RC3H1: variants seen among roughly 807,000 people sequenced by gnomAD.
The protein encoded by RC3H1 is ring finger and CCCH-type domains 1.
In RC3H1, 50 loss-of-function variants were observed where a neutral mutation model predicts 138.2. That is an observed-to-expected ratio of 0.36 (90% CI 0.29 to 0.46). The LOEUF (loss-of-function observed/expected upper bound fraction) is 0.46, where lower values mean the gene tolerates loss of function less well. RC3H1 is among the 20% of genes least tolerant of loss of function. RC3H1 has a pLI of 1.00. For synonymous variants in RC3H1, 462 were observed against 489.1 expected, an observed-to-expected ratio of 0.94 and a Z score of 0.73; for missense variants, 1,031 against 1,388.1, an observed-to-expected ratio of 0.74 and a Z score of 4.09.
chr1:173,942,396 G>GCC (rs1396505308), intron 18 of RC3H1, among the ~76,000 whole-genome samples: 1 of 122,200 alleles, frequency 8.2e-6, no homozygotes, highest in Non-Finnish European at 1.5e-5. Flanking sequence ...TTGGGCCACT[G>GCC]CCCTCCACCC....
intron 14 of RC3H1, among the ~76,000 whole-genome samples, chr1:173,949,959 G>C (rs1266203055): frequency 6.6e-6 from 1 of 152,108 alleles, no homozygotes; most frequent in African/African-American, 2.4e-5. Flanking sequence ...CTGAAGTCAG[G>C]AGTTCGAGAC....
At position 173,941,337 on chromosome 1, in the gene RC3H1, C is replaced by T. The variant is rs375789674; in HGVS notation, c.3179G>A (p.Ser1060Asn). Reference sequence around the variant, plus strand: ...TGGTTGTCCATTTTCTGCTTGTTTACTTGTATTCAGTTTGCTTTTCATGTC... The same window carrying T: ...TGGTTGTCCATTTTCTGCTTGTTTATTTGTATTCAGTTTGCTTTTCATGTC... ...SLDMKSKLNT[S>N]KQAENGQPEP... Residue 1060 changes from serine (S) to asparagine (N), a missense_variant, in exon 19 of 20, where the codon AGT (serine) becomes AAT (asparagine). Coordinates refer to ENST00000367696, the MANE Select transcript of RC3H1 (RefSeq NM_172071.4). 501 of 1,613,802 alleles carry T rather than the reference C, an allele frequency of 3.1e-4. 3 individuals carry two copies. The South Asian group carries it at 5.1e-3, about 16-fold the overall frequency.
intron 7 of RC3H1, among the ~76,000 whole-genome samples, chr1:173,974,818 T>C (rs1262892735): frequency 6.6e-6 from 1 of 152,158 alleles, no homozygotes; most frequent in East Asian, 1.9e-4. Context: ...CTCCGGCTCT[T>C]TTGTTAAAAT....
intron 9 of RC3H1, among the ~76,000 whole-genome samples, chr1:173,967,910 C>T (rs1660192145): frequency 6.6e-6 from 1 of 152,184 alleles, no homozygotes; most frequent in African/African-American, 2.4e-5. Context: ...CTCTTAACTA[C>T]TCTGTGGTTT....
chr1:173,960,613 T>C (rs897353065), intron 13 of RC3H1, among the ~76,000 whole-genome samples: 8 of 152,192 alleles, frequency 5.3e-5, no homozygotes, highest in Non-Finnish European at 8.8e-5. Flanking sequence ...CTAATCAAAA[T>C]TGAAGCAGAT....
intron 1 of RC3H1, among the ~76,000 whole-genome samples, chr1:174,015,063 A>T (rs1661835115): frequency 6.6e-6 from 1 of 152,262 alleles, no homozygotes; most frequent in South Asian, 2.1e-4. Flanking sequence ...TTTTCCTGCC[A>T]CCCAGCTGGC....
At chr1:173,940,866 G>A (rs952214238) in intron 19 of RC3H1, among the ~76,000 whole-genome samples, 2 of 150,618 alleles carry the variant, frequency 1.3e-5, no homozygotes, top group Non-Finnish European at 2.9e-5. Context: ...TCTGCTGCCA[G>A]GCTGGAGTAC....
rs1661985412 is a variant in RC3H1, at chr1:174,022,213, C to T, written c.-268G>A. On this transcript the variant is annotated 5_prime_UTR_variant, in exon 1 of 20. Transcript: ENST00000367696. This position sits in a 1 kb window ranked among gnomAD's most constrained non-coding sequence, Gnocchi z 4.2. ...TGACTCTGATTCTGTCCCAGGCCGC[C>T]GGGCCACGGCTGCCGCCGCCACCGC... 1 of 393,664 alleles carries T rather than the reference C, an allele frequency of 2.5e-6. No individual in the cohort carries two copies. Among genetic ancestry groups the T allele is most frequent in the Non-Finnish European group, 4.5e-6 (1 of 223,312 alleles). The allele number at this position is 393,664 out of a possible 1,614,324, so 24.4% of individuals were successfully genotyped here.
chr1:174,022,145 TCGCCACCGCCGCGGCAGCCGCCGC>T lies in RC3H1; in HGVS notation c.-224_-201del, dbSNP rs1661979684. ...TCTCAGCTCCGAGTCCCCGCGGCCG[TCGCCACCGCCGCGGCAGCCGCCGC>T]CGCCGCCGAGGCCACCGTTGACTCT... On this transcript the variant is annotated 5_prime_UTR_variant, in exon 1 of 20. Transcript: ENST00000367696. The surrounding 1 kb of genome is among the most constrained non-coding windows in gnomAD (Gnocchi z 4.2). The T allele has an allele frequency of 2.5e-6, 1 of 395,806 alleles. No homozygotes were observed. Among genetic ancestry groups the T allele is most frequent in the African/African-American group, 2.1e-5 (1 of 48,240 alleles). 24.5% of individuals were successfully genotyped at this position (395,806 alleles called of 1,614,324 possible).
intron 9 of RC3H1, among the ~76,000 whole-genome samples, chr1:173,968,799 T>C (rs1047364016): frequency 1.8e-4 from 27 of 152,156 alleles, no homozygotes; most frequent in African/African-American, 6.0e-4. Flanking sequence ...TGATTTATAA[T>C]ATAATTTATT....
intron 1 of RC3H1, among the ~76,000 whole-genome samples, chr1:173,998,104 T>C (rs1397049469): frequency 1.3e-5 from 2 of 152,158 alleles, no homozygotes; most frequent in Admixed American, 1.3e-4. Flanking sequence ...TCCAGATTTT[T>C]TGAACTTCCT....
chr1:173,964,789 C>T lies in RC3H1; in HGVS notation c.1616+50G>A, dbSNP rs200497118. ...AAACATTAATTATTCTATCTTCCTTCGACTTTATGAAGAAGAAATTTTGAA... is the reference window on the plus strand; with the variant it reads ...AAACATTAATTATTCTATCTTCCTTTGACTTTATGAAGAAGAAATTTTGAA... On this transcript the variant is annotated intron_variant, in intron 10 of 19. Transcript: ENST00000367696. The T allele has an allele frequency of 4.2e-4, 618 of 1,474,516 alleles. 4 individuals are homozygous for T. In the East Asian group the frequency reaches 9.3e-3, roughly 22 times the overall value. 91.3% of individuals were successfully genotyped at this position (1,474,516 alleles called of 1,614,324 possible).
At chr1:173,943,375 G>C (rs548214195) in intron 18 of RC3H1, 67 bp downstream of exon 18, 517 of 1,492,740 alleles carry the variant, frequency 3.5e-4, no homozygotes, top group Admixed American at 1.8e-3. Context: ...TGTGCCTCTA[G>C]ATAATTCTAG....
At chr1:173,943,319 A>C (rs902527163) in intron 18 of RC3H1, 123 bp downstream of exon 18, 1 of 874,470 alleles carries the variant, frequency 1.1e-6, no homozygotes, top group Non-Finnish European at 1.7e-6. Context: ...CATGAGAATT[A>C]TTTTAAATAT....
chr1:173,976,559 G>A (rs1660595333), intron 7 of RC3H1, among the ~76,000 whole-genome samples: 1 of 152,128 alleles, frequency 6.6e-6, no homozygotes, highest in South Asian at 2.1e-4. Context: ...GACAAAATAA[G>A]TTTGGATAGA....
At chr1:173,981,351 C>T (rs1660809635) in intron 5 of RC3H1, among the ~76,000 whole-genome samples, 3 of 152,094 alleles carry the variant, frequency 2.0e-5, no homozygotes, top group Admixed American at 2.0e-4. Flanking sequence ...CTTGAGCATC[C>T]TTACTCTGAA....
chr1:174,010,380 TAC>T lies in RC3H1; in HGVS notation c.-151+11714_-151+11715del, dbSNP rs559574603. Reference sequence around the variant, plus strand: ...ATAAAGTCCTTGCTCTCATACAGAATACAGTCTTATCACCTAGATCACAAAGC... The same window carrying T: ...ATAAAGTCCTTGCTCTCATACAGAATAGTCTTATCACCTAGATCACAAAGC... On this transcript the variant is annotated intron_variant, in intron 1 of 19. Coordinates refer to ENST00000367696, the MANE Select transcript of RC3H1 (RefSeq NM_172071.4). Among the ~76,000 whole-genome samples, 543 of 152,208 alleles carry T rather than the reference TAC, an allele frequency of 3.6e-3. 3 individuals carry two copies. The highest frequency in any genetic ancestry group is 0.01 in the Middle Eastern group (3 of 294).
At chr1:173,966,604 A>T (rs1201807745) in intron 9 of RC3H1, among the ~76,000 whole-genome samples, 1 of 151,870 alleles carries the variant, frequency 6.6e-6, no homozygotes, top group Non-Finnish European at 1.5e-5. Flanking sequence ...AGTCCCAGCT[A>T]CTCAGGAGGC....
intron 9 of RC3H1, among the ~76,000 whole-genome samples, chr1:173,965,834 A>G (rs1420458310): frequency 6.6e-6 from 1 of 152,090 alleles, no homozygotes; most frequent in African/African-American, 2.4e-5. Flanking sequence ...AACATTTGTC[A>G]TTTACTCTGT....
Sources: gnomAD v4.1 joint callset for allele counts (sites outside exome capture counted in the v4.1 genomes callset) on GRCh38, gnomAD v4.1.1 for gene constraint, Gnocchi (gnomAD v3.1) non-coding constraint, MANE v1.5 for transcripts, NCBI Gene and HGNC (gene_info 2026-07-23, HGNC 2026-07-21) for gene names.